The following ZNF318 variants were observed in gnomAD, a reference collection of about 807,000 sequenced individuals.
The protein encoded by ZNF318 is endocrine regulator.
A neutral mutation model predicts 124.2 loss-of-function variants in ZNF318; 51 were observed. The observed-to-expected ratio is 0.41, with a 90% CI of 0.33 to 0.52. The LOEUF is 0.52. ZNF318 is among the 20% of genes least tolerant of loss of function. The pLI, the probability that ZNF318 is intolerant of heterozygous loss-of-function variation, is 0.23. For synonymous variants in ZNF318, 1,090 were observed against 1,040.7 expected, an observed-to-expected ratio of 1.05 and a Z score of -0.91; for missense variants, 2,815 against 2,811.2, an observed-to-expected ratio of 1.00 and a Z score of -0.03.
In ZNF318 at chr6:43,338,007, G is replaced by T; in HGVS notation, c.5991C>A (p.Ala1997=). The T allele has an allele frequency of 6.2e-7, 1 of 1,614,054 alleles. No individual in the cohort carries two copies. Among genetic ancestry groups the T allele is most frequent in the East Asian group, 2.2e-5 (1 of 44,880 alleles). Residue 1997 remains alanine, a synonymous_variant, in exon 10 of 10, where the codon GCC becomes GCA. Transcript: ENST00000361428. ...AGTCTGTAGCTTCAAAGTCTTCTAG[G>T]GCCTTGCTTTCTATTGTCACTGTTA... The part of the protein sequence containing the change: ...PELTVTIESK[A]LEDFEATDLK...
At position 43,336,911 on chromosome 6, in the gene ZNF318, A is replaced by C; in HGVS notation, c.*247T>G. On this transcript the variant is annotated 3_prime_UTR_variant, in exon 10 of 10. Transcript: ENST00000361428. ...AGAAAATAAATTGGCCAAAAAAATT[A>C]ACAAAATACATTTTTACAGATATAT... The C allele has an allele frequency of 4.9e-6, 1 of 205,236 alleles. No individual in the cohort carries two copies. Among genetic ancestry groups the C allele is most frequent in the Non-Finnish European group, 9.3e-6 (1 of 107,158 alleles). The allele number at this position is 205,236 out of a possible 1,614,324, so 12.7% of individuals were successfully genotyped here.
At chr6:43,347,008 A>G (rs1346445587) in intron 6 of ZNF318, among the ~76,000 whole-genome samples, 1 of 152,208 alleles carries the variant, frequency 6.6e-6, no homozygotes, top group Non-Finnish European at 1.5e-5. Flanking sequence ...AAATGTTAAG[A>G]AGGAAAATTA....
rs770507047 is a variant in ZNF318 at position 43,338,464 on chromosome 6, C to G, written c.5534G>C (p.Ser1845Thr). The G allele has an allele frequency of 6.2e-7, 1 of 1,614,192 alleles. No homozygotes were observed. Among genetic ancestry groups the G allele is most frequent in the Non-Finnish European group, 8.5e-7 (1 of 1,180,040 alleles). The change falls in exon 10 of 10, where the codon AGT (serine) becomes ACT (threonine). Residue 1845 changes from serine to threonine, a missense_variant. Coordinates refer to ENST00000361428, the MANE Select transcript of ZNF318 (RefSeq NM_014345.3). The stretch of plus-strand genomic sequence containing the variant: ...GATCACTACTTTACTTGGAGTTTCA[C>G]TTCCTGTCATCAATTTATTGGACTG... ...AEQSNKLMTG[S>T]ETPSKVVIKL...
Position 43,357,741 on chromosome 6 carries a change from G to A in ZNF318, c.573C>T (p.Val191=), listed in dbSNP as rs569487625. The A allele has an allele frequency of 1.0e-5, 16 of 1,599,870 alleles. No individual in the cohort carries two copies. The South Asian group carries it at 1.7e-4, about 17-fold the overall frequency. The change falls in exon 3 of 10, where the codon GTC becomes GTT. Residue 191 remains valine, a synonymous_variant. Transcript: ENST00000361428. ...MDRDDLTDDS[V]FTRSSQCSRG... ...GAGAGCACTGGGAGCTTCGAGTGAA[G>A]ACAGAATCATCAGTCAGGTCATCCC...
intron 3 of ZNF318, 128 bp from the exon 4 acceptor site, chr6:43,356,273 G>T (rs994656220): frequency 2.0e-6 from 2 of 982,882 alleles, no homozygotes; most frequent in Non-Finnish European, 2.9e-6. Context: ...TAAAAGGGAG[G>T]AAAAGTATCC....
chr6:43,346,785 C>T (rs1472529004), intron 6 of ZNF318, among the ~76,000 whole-genome samples: 1 of 152,030 alleles, frequency 6.6e-6, no homozygotes, highest in Non-Finnish European at 1.5e-5. Context: ...AGGTGTAATA[C>T]CAGATATTGC....
At chr6:43,365,809 T>TG (rs1691029361) in intron 1 of ZNF318, among the ~76,000 whole-genome samples, 1 of 152,144 alleles carries the variant, frequency 6.6e-6, no homozygotes, top group South Asian at 2.1e-4. Flanking sequence ...CCTGCAAAGT[T>TG]GGGGTTCAAC....
rs780641052 is a variant in ZNF318 at position 43,340,750 on chromosome 6, A to AAG, written c.3495+39_3495+40insCT. On this transcript the variant is annotated intron_variant, in intron 9 of 9. Coordinates refer to ENST00000361428, the MANE Select transcript of ZNF318 (RefSeq NM_014345.3). ...TTGACAAAGTCAAAATAATTACTTC[A>AAG]GAAAAGTTGGAAACTCCACAGCCTA... 3.1e-5 allele frequency: 49 copies of AAG among 1,573,300 alleles called. No individual in the cohort carries two copies. The African/African-American group carries it at 6.2e-4, about 20-fold the overall frequency.
chr6:43,352,183 T>TCATCACCAC (rs1554194955), intron 5 of ZNF318, among the ~76,000 whole-genome samples, 194 bp downstream of exon 5: 4 of 110,386 alleles, frequency 3.6e-5, no homozygotes, highest in South Asian at 2.9e-4. Context: ...ATCATCATCA[T>TCATCACCAC]CACCACCACC....
chr6:43,352,956 G>A (rs185176279), intron 4 of ZNF318, among the ~76,000 whole-genome samples: 19 of 152,262 alleles, frequency 1.2e-4, no homozygotes, highest in African/African-American at 3.6e-4. Flanking sequence ...AATACTCAAA[G>A]TCACACATTA....
rs1779305396 is a variant in ZNF318 at position 43,337,732 on chromosome 6, C to T, written c.6266G>A (p.Arg2089Gln). The T allele has an allele frequency of 4.3e-6, 7 of 1,614,090 alleles. No homozygotes were observed. The highest frequency in any genetic ancestry group is 5.9e-6 in the Non-Finnish European group (7 of 1,180,012). ...LVLDFETEGE[R>Q]NSPNPRSVRI... ...AACACTCCTGGGATTAGGTGAGTTT[C>T]GTTCACCCTCTGTCTCAAAGTCAAG... The change falls in exon 10 of 10, where the codon CGA becomes CAA. Residue 2089 changes from arginine to glutamine, a missense_variant. By Grantham distance (43) the Arg-to-Gln change is conservative. This residue lies in a region of ZNF318 where 927 missense variants were observed against 820.6 expected (regional missense o/e 1.13). Coordinates refer to ENST00000361428, the MANE Select transcript of ZNF318 (RefSeq NM_014345.3).
rs770090469 is a variant in ZNF318 at position 43,338,764 on chromosome 6, T to C, written c.5234A>G (p.Lys1745Arg). ...LLDIQCKESQ[K>R]LVEIHLRESV... ...TTCTCTGAGGTGGATTTCTACCAAC[T>C]TCTGAGATTCTTTGCACTGTATATC... is the stretch of plus-strand genomic sequence containing the variant. Residue 1745 changes from lysine (K) to arginine (R), a missense_variant, in exon 10 of 10, where the codon AAG (lysine) becomes AGG (arginine). Around this residue, in one of 4 missense-constraint regions of ZNF318, gnomAD observed 927 missense variants for 820.6 expected, o/e 1.13. Transcript: ENST00000361428. The C allele has an allele frequency of 1.9e-6, 3 of 1,614,174 alleles. No individual in the cohort carries two copies. The highest frequency in any genetic ancestry group is 2.2e-5 in the East Asian group (1 of 44,892).
Position 43,354,944 on chromosome 6 carries a change from T to A in ZNF318, c.2390A>T (p.Tyr797Phe). Residue 797 changes from tyrosine to phenylalanine, a missense_variant, in exon 4 of 10, where the codon TAT (tyrosine) becomes TTT (phenylalanine). By Grantham distance (22) the Tyr-to-Phe change is conservative. Coordinates refer to ENST00000361428, the MANE Select transcript of ZNF318 (RefSeq NM_014345.3). ...SFDAYRHYMA[Y>F]AASRWPMYPT... is the part of the protein sequence containing the mutation. ...ATACATGGGCCATCTGGAGGCTGCA[T>A]ATGCCATGTAGTGCCTATAGGCATC... The A allele has an allele frequency of 6.2e-7, 1 of 1,610,380 alleles. No homozygotes were observed. Among genetic ancestry groups the A allele is most frequent in the Non-Finnish European group, 8.5e-7 (1 of 1,177,752 alleles).
At position 43,348,605 on chromosome 6, in the gene ZNF318, G is replaced by C. The variant is rs936092409; in HGVS notation, c.2791C>G (p.Arg931Gly). ...KQQGEMLRKK[R>G]REKDGHKDPL... is the part of the protein sequence containing the mutation. Reference sequence around the variant, plus strand: ...TCTTTGTGGCCATCCTTCTCCCTTCGTTTCTTGCGCAGCATTTCTCCTGAG... The same window carrying C: ...TCTTTGTGGCCATCCTTCTCCCTTCCTTTCTTGCGCAGCATTTCTCCTGAG... The change falls in exon 6 of 10, where the codon CGA becomes GGA. Residue 931 changes from arginine to glycine, a missense_variant. Arg to Gly is a moderately radical substitution (Grantham distance 125). Around this residue, in one of 4 missense-constraint regions of ZNF318, gnomAD observed 1,377 missense variants for 1,353.5 expected, o/e 1.02. Transcript: ENST00000361428. 6.2e-7 allele frequency: 1 copy of C among 1,613,604 alleles called. No individual in the cohort carries two copies. The highest frequency in any genetic ancestry group is 8.5e-7 in the Non-Finnish European group (1 of 1,179,878).
At chr6:43,360,336 T>C (rs557725133) in intron 2 of ZNF318, among the ~76,000 whole-genome samples, 60 of 152,228 alleles carry the variant, frequency 3.9e-4, no homozygotes, top group Non-Finnish European at 6.8e-4. Flanking sequence ...TAGAAGCTCA[T>C]GTCCTCCTTC....
intron 3 of ZNF318, among the ~76,000 whole-genome samples, chr6:43,356,559 C>G (rs1283216165): frequency 3.9e-5 from 6 of 152,184 alleles, no homozygotes; most frequent in Non-Finnish European, 8.8e-5. Flanking sequence ...TCTTCAGAAG[C>G]CTTTATCTCC....
At chr6:43,356,433 CTTG>C (rs1304654999) in intron 3 of ZNF318, among the ~76,000 whole-genome samples, 2 of 152,066 alleles carry the variant, frequency 1.3e-5, no homozygotes, top group Non-Finnish European at 2.9e-5. Flanking sequence ...GATCCCCTAG[CTTG>C]TTTTCTTTTC....
Position 43,357,716 on chromosome 6 carries a change from G to T in ZNF318, c.598C>A (p.Arg200=). 1.2e-6 allele frequency: 2 copies of T among 1,607,026 alleles called. No homozygotes were observed. The highest frequency in any genetic ancestry group is 2.2e-5 in the South Asian group (2 of 91,020). Residue 200 remains arginine, a synonymous_variant, in exon 3 of 10, where the codon CGG becomes AGG. Coordinates refer to ENST00000361428, the MANE Select transcript of ZNF318 (RefSeq NM_014345.3). ...TGGGAAATATATCGCTCAAGACCCC[G>T]AGAGCACTGGGAGCTTCGAGTGAAG... ...SVFTRSSQCS[R]GLERYISQEE... is the part of the protein sequence containing the mutation.
intron 9 of ZNF318, 65 bp downstream of exon 9, chr6:43,340,725 T>C (rs1779363785): frequency 1.9e-6 from 3 of 1,551,092 alleles, no homozygotes; most frequent in South Asian, 1.1e-5. Flanking sequence ...CGGACGCCAT[T>C]TGACAAAGTC....
Sources: gnomAD v4.1 joint callset for allele counts (sites outside exome capture counted in the v4.1 genomes callset) on GRCh38, gnomAD v4.1.1 for gene constraint, gnomAD v4.1.1 regional missense constraint, MANE v1.5 for transcripts, NCBI Gene and HGNC (gene_info 2026-07-23, HGNC 2026-07-21) for gene names.